Variants in PTPRQ observed in about 807,000 individuals in gnomAD.
The protein encoded by PTPRQ is protein tyrosine phosphatase receptor type Q.
In PTPRQ, 199 loss-of-function variants were observed where a neutral mutation model predicts 246.0. That is an observed-to-expected ratio of 0.81 (90% CI 0.72 to 0.91). PTPRQ has a LOEUF of 0.91. Ranked by LOEUF, PTPRQ falls within the 40% of genes least tolerant of loss-of-function variation. PTPRQ has a pLI of 0.00. For synonymous variants in PTPRQ, 869 were observed against 853.2 expected (o/e 1.02, Z -0.32); for missense variants, 2,624 against 2,528.4 (o/e 1.04, Z -0.81).
At chr12:80,530,867 G>A (rs1293858090) in intron 17 of PTPRQ, among the ~76,000 whole-genome samples, 1 of 151,878 alleles carries the variant, frequency 6.6e-6, no homozygotes, top group African/African-American at 2.4e-5. Context: ...ATTTTAAAAA[G>A]CATTCAAACC....
At chr12:80,642,844 C>T (rs1474009362) in intron 35 of PTPRQ, among the ~76,000 whole-genome samples, 1 of 140,224 alleles carries the variant, frequency 7.1e-6, no homozygotes, top group Non-Finnish European at 1.5e-5. Flanking sequence ...GGCGTGAACC[C>T]GGGAGGCGGA....
intron 17 of PTPRQ, among the ~76,000 whole-genome samples, chr12:80,518,474 A>C (rs1463806305): frequency 6.6e-6 from 1 of 152,032 alleles, no homozygotes. Flanking sequence ...GCTGTACAGA[A>C]GCTCTTTAAC....
chr12:80,571,118 A>G (rs1158207836), intron 25 of PTPRQ, among the ~76,000 whole-genome samples: 2 of 152,150 alleles, frequency 1.3e-5, no homozygotes, highest in African/African-American at 2.4e-5. Flanking sequence ...AATTCTGTGA[A>G]GAAAGTCAAT....
At position 80,546,708 on chromosome 12, in the gene PTPRQ, G is replaced by A; in HGVS notation, c.4015+11G>A. 6.5e-7 allele frequency: 1 copy of A among 1,542,318 alleles called. No homozygotes were observed. On this transcript the variant is annotated intron_variant, in intron 24 of 44. Transcript: ENST00000644991. ...CAACCCAAGAATCAGGTTAGATACA[G>A]TTTTTGAGCCTAAAATGTTTCTTTT...
intron 26 of PTPRQ, among the ~76,000 whole-genome samples, chr12:80,597,300 T>TG (rs1171943660): frequency 6.6e-6 from 1 of 151,980 alleles, no homozygotes; most frequent in Admixed American, 6.6e-5. Flanking sequence ...AGTATGACGA[T>TG]GGCCTTACCT....
intron 17 of PTPRQ, among the ~76,000 whole-genome samples, chr12:80,518,810 T>A (rs192564122): frequency 6.6e-6 from 1 of 152,122 alleles, no homozygotes; most frequent in African/African-American, 2.4e-5. Flanking sequence ...TGTTTCTGCG[T>A]TCTCTATTCT....
intron 17 of PTPRQ, among the ~76,000 whole-genome samples, chr12:80,529,033 C>T (rs946665132): frequency 3.3e-5 from 5 of 152,172 alleles, no homozygotes; most frequent in African/African-American, 1.2e-4. Context: ...CTCAGACTGT[C>T]TCTGAGATGC....
chr12:80,514,373 TACAC>T (rs372647668), intron 17 of PTPRQ, among the ~76,000 whole-genome samples: 9 of 112,174 alleles, frequency 8.0e-5, no homozygotes, highest in East Asian at 7.3e-4. Context: ...GGCTTTATTT[TACAC>T]ACACACACAC....
intron 39 of PTPRQ, among the ~76,000 whole-genome samples, chr12:80,658,932 T>C (rs1283988804): frequency 6.6e-6 from 1 of 152,114 alleles, no homozygotes; most frequent in African/African-American, 2.4e-5. Flanking sequence ...TTCTCCAACG[T>C]CAAACATACT....
intron 25 of PTPRQ, among the ~76,000 whole-genome samples, chr12:80,580,689 A>G (rs1897406064): frequency 1.3e-5 from 2 of 152,154 alleles, no homozygotes; most frequent in African/African-American, 4.8e-5. Context: ...TTTTTGGTTT[A>G]TCTTTCTAAA....
intron 26 of PTPRQ, among the ~76,000 whole-genome samples, chr12:80,592,555 G>A (rs542074970): frequency 6.6e-5 from 10 of 152,118 alleles, no homozygotes; most frequent in South Asian, 4.2e-4. Context: ...GTTAAGTAAC[G>A]GAAGTCTTGA....
At chr12:80,470,616 G>T (rs1893593802) in intron 7 of PTPRQ, among the ~76,000 whole-genome samples, 1 of 152,178 alleles carries the variant, frequency 6.6e-6, no homozygotes. Flanking sequence ...CTGTAAATGA[G>T]CTGCCTTCAA....
chr12:80,648,816 T>G lies in PTPRQ; in HGVS notation c.5916-81T>G. The G allele has an allele frequency of 2.3e-6, 3 of 1,296,212 alleles. No individual in the cohort carries two copies. In the South Asian group the frequency reaches 5.7e-5, roughly 25 times the overall value. 80.3% of individuals were successfully genotyped at this position (1,296,212 alleles called of 1,614,324 possible). A position where few individuals can be genotyped will look rare whatever the true frequency, so the allele number is the denominator to read the frequency against. Reference sequence around the variant, plus strand: ...TTTTACATTATTGATTTATTATAATTTTCTGACTTTAATCTACACTTCTTT... The same window carrying G: ...TTTTACATTATTGATTTATTATAATGTTCTGACTTTAATCTACACTTCTTT... On this transcript the variant is annotated intron_variant, in intron 35 of 44. Coordinates refer to ENST00000644991, the MANE Select transcript of PTPRQ (RefSeq NM_001145026.2).
At chr12:80,595,892 T>C (rs915781277) in intron 26 of PTPRQ, among the ~76,000 whole-genome samples, 16 of 152,074 alleles carry the variant, frequency 1.1e-4, no homozygotes, top group African/African-American at 3.9e-4. Context: ...GAAATATAAA[T>C]TATTGCATAT....
chr12:80,551,044 T>A (rs572834915), intron 25 of PTPRQ, among the ~76,000 whole-genome samples: 64 of 152,106 alleles, frequency 4.2e-4, no homozygotes, highest in Non-Finnish European at 7.4e-4. Context: ...TTCATTTTAA[T>A]CTTATGTCTT....
chr12:80,577,950 A>G (rs547645106), intron 25 of PTPRQ, among the ~76,000 whole-genome samples: 1 of 152,238 alleles, frequency 6.6e-6, no homozygotes, highest in South Asian at 2.1e-4. Flanking sequence ...GTTGCACATG[A>G]ACGGTATACT....
intron 34 of PTPRQ, among the ~76,000 whole-genome samples, chr12:80,634,213 A>G (rs943279724): frequency 1.3e-5 from 2 of 152,162 alleles, no homozygotes; most frequent in African/African-American, 2.4e-5. Flanking sequence ...AACATGTTTT[A>G]TACTTTCCAT....
chr12:80,502,502 C>T (rs1894833750), intron 14 of PTPRQ, among the ~76,000 whole-genome samples: 1 of 151,934 alleles, frequency 6.6e-6, no homozygotes, highest in Non-Finnish European at 1.5e-5. Flanking sequence ...AGCTATTACA[C>T]TGGGCATGTG....
chr12:80,651,535 G>C (rs1416872051), intron 37 of PTPRQ, among the ~76,000 whole-genome samples: 1 of 151,918 alleles, frequency 6.6e-6, no homozygotes, highest in Non-Finnish European at 1.5e-5. Flanking sequence ...GAAAGCAATA[G>C]GAGAAAGAGC....
Sources: allele counts gnomAD v4.1 joint callset (sites outside exome capture counted in the v4.1 genomes callset), GRCh38; gene constraint gnomAD v4.1.1; transcripts MANE v1.5; gene names NCBI Gene and HGNC (gene_info 2026-07-23, HGNC 2026-07-21).